WWOX: variants seen among roughly 807,000 people sequenced by gnomAD.
The protein encoded by WWOX is WW domain-containing oxidoreductase.
A neutral mutation model predicts 46.2 loss-of-function variants in WWOX; 69 were observed. The observed-to-expected ratio is 1.49, with a 90% CI of 1.23 to 1.82. WWOX has a LOEUF of 1.82. Ranked by LOEUF, WWOX falls within the 40% of genes most tolerant of loss-of-function variation. The probability of loss-of-function intolerance (pLI) is 0.00; values close to 1 mark genes in which losing one functional copy is unlikely to be tolerated. For missense variants in WWOX, 919 were observed against 542.6 expected (o/e 1.69, Z -6.89); for synonymous variants, 359 against 202.6 (o/e 1.77, Z -6.56).
chr16:78,898,554 C>T (rs1387089542), intron 8 of WWOX: 3 of 152,110 alleles, frequency 2.0e-5, no homozygotes, highest in Admixed American at 6.6e-5. Flanking sequence ...AATAAGGATT[C>T]AAACTTTGTT....
chr16:78,937,945 G>A (rs567146034), intron 8 of WWOX, among the ~76,000 whole-genome samples: 6 of 152,230 alleles, frequency 3.9e-5, no homozygotes, highest in African/African-American at 1.2e-4. Context: ...TTTTTAATGT[G>A]CCAAGGTCTG....
chr16:79,201,343 C>CT (rs5818210), intron 8 of WWOX, among the ~76,000 whole-genome samples: 436 of 143,620 alleles, frequency 3.0e-3, no homozygotes, highest in South Asian at 7.1e-3. Flanking sequence ...TTTTTCTTTT[C>CT]TTTTTTTTTT....
In WWOX at chr16:78,432,549, A is replaced by G. The variant is rs775532586; in HGVS notation, c.853A>G (p.Asn285Asp). ...CTTCAGTCGCCTCTCTCCAACAAAA[A>G]ACGACTATTGGGCGATGCTGGCTTA... ...LDFSRLSPTK[N>D]DYWAMLAYNR... The change falls in exon 8 of 9, where the codon AAC becomes GAC. Residue 285 changes from asparagine to aspartate, a missense_variant. Transcript: ENST00000566780. 2 of 1,614,050 alleles carry G rather than the reference A, an allele frequency of 1.2e-6. No homozygotes were observed. Among genetic ancestry groups the G allele is most frequent in the Non-Finnish European group, 8.5e-7 (1 of 1,179,984 alleles).
At chr16:78,769,192 C>T (rs996867276) in intron 8 of WWOX, among the ~76,000 whole-genome samples, 1 of 152,138 alleles carries the variant, frequency 6.6e-6, no homozygotes, top group Non-Finnish European at 1.5e-5. Context: ...CAAAGAGATT[C>T]ATATATGACT....
chr16:78,197,132 C>T (rs1048010288), intron 5 of WWOX, among the ~76,000 whole-genome samples: 16 of 152,136 alleles, frequency 1.1e-4, no homozygotes, highest in African/African-American at 3.1e-4. Context: ...GGTACCTCTG[C>T]GCCATCTGTG....
intron 8 of WWOX, among the ~76,000 whole-genome samples, chr16:78,613,652 A>T (rs1233533417): frequency 6.6e-6 from 1 of 152,194 alleles, no homozygotes; most frequent in Admixed American, 6.5e-5. Flanking sequence ...GTATTGCTAG[A>T]GATGGCTGCA....
At chr16:78,827,113 C>G (rs1259978144) in intron 8 of WWOX, among the ~76,000 whole-genome samples, 1 of 152,128 alleles carries the variant, frequency 6.6e-6, no homozygotes, top group Non-Finnish European at 1.5e-5. Context: ...CTCCAGAACT[C>G]CAGGATGCCT....
At chr16:78,397,898 A>G (rs962974797) in intron 6 of WWOX, among the ~76,000 whole-genome samples, 1 of 152,222 alleles carries the variant, frequency 6.6e-6, no homozygotes, top group African/African-American at 2.4e-5. Flanking sequence ...AAGTCAGAAG[A>G]GATTCTCGTC....
At chr16:78,495,486 G>C (rs2084894114) in intron 8 of WWOX, among the ~76,000 whole-genome samples, 1 of 145,522 alleles carries the variant, frequency 6.9e-6, no homozygotes. Context: ...GTGTAGATTT[G>C]GCTAGGAAGT....
At chr16:79,133,355 G>A (rs751917381) in intron 8 of WWOX, among the ~76,000 whole-genome samples, 32 of 152,182 alleles carry the variant, frequency 2.1e-4, no homozygotes, top group East Asian at 5.8e-4. Context: ...CAACATTAAC[G>A]GGGAACCCAA....
intron 8 of WWOX, among the ~76,000 whole-genome samples, chr16:78,819,120 C>T (rs912943482): frequency 3.3e-5 from 5 of 152,220 alleles, no homozygotes; most frequent in African/African-American, 9.6e-5. Context: ...CACTCTTCTG[C>T]ACTCTTTCTC....
At position 79,127,484 on chromosome 16, in the gene WWOX, G is replaced by A. The variant is rs187094041; in HGVS notation, c.1057-84124G>A. On this transcript the variant is annotated intron_variant, in intron 8 of 8. Transcript: ENST00000566780. ...CTGCTGAGTATTACACTGTGTGGATGTTTCATAATTCATTGAACCAATTCC... is the reference window on the plus strand; with the variant it reads ...CTGCTGAGTATTACACTGTGTGGATATTTCATAATTCATTGAACCAATTCC... Among the ~76,000 whole-genome samples, 109 of 152,272 alleles carry A rather than the reference G, an allele frequency of 7.2e-4. 1 individual carries two copies. Among genetic ancestry groups the A allele is most frequent in the African/African-American group, 2.0e-3 (83 of 41,558 alleles).
intron 8 of WWOX, among the ~76,000 whole-genome samples, chr16:78,811,901 A>T (rs1024389146): frequency 5.9e-5 from 9 of 152,214 alleles, no homozygotes; most frequent in African/African-American, 2.2e-4. Context: ...AGTCATGAGC[A>T]TAATAAGATA....
At chr16:78,803,626 T>C (rs2050953199) in intron 8 of WWOX, among the ~76,000 whole-genome samples, 1 of 152,038 alleles carries the variant, frequency 6.6e-6, no homozygotes, top group Admixed American at 6.5e-5. Flanking sequence ...TTTTTAACTT[T>C]AATTTTTATT....
intron 8 of WWOX, among the ~76,000 whole-genome samples, chr16:78,888,366 A>G (rs1179530577): frequency 6.6e-6 from 1 of 152,196 alleles, no homozygotes; most frequent in Non-Finnish European, 1.5e-5. Flanking sequence ...ACCTGCCCAG[A>G]GGCAGCTCCC....
At chr16:78,402,509 G>A (rs760069557) in intron 6 of WWOX, among the ~76,000 whole-genome samples, 21 of 152,176 alleles carry the variant, frequency 1.4e-4, no homozygotes, top group Non-Finnish European at 2.9e-4. Context: ...TGGAAAGTAG[G>A]GTTGGAGGTC....
At chr16:78,865,904 C>G (rs2043993186) in intron 8 of WWOX, among the ~76,000 whole-genome samples, 1 of 152,106 alleles carries the variant, frequency 6.6e-6, no homozygotes, top group Non-Finnish European at 1.5e-5. Context: ...TTGTGTCTGG[C>G]CTTTGTGATA....
intron 8 of WWOX, among the ~76,000 whole-genome samples, chr16:79,156,064 A>G (rs1467135564): frequency 5.3e-5 from 8 of 152,188 alleles, no homozygotes; most frequent in Non-Finnish European, 1.0e-4. Flanking sequence ...GGTCACCACC[A>G]CCTCTTCAAC....
In WWOX at chr16:78,245,990, A is replaced by G. The variant is rs940361430; in HGVS notation, c.516+81701A>G. 2.0e-5 allele frequency among the ~76,000 whole-genome samples: 3 copies of G among 152,184 alleles called. No individual in the cohort carries two copies. In the South Asian group the frequency reaches 6.2e-4, roughly 31 times the overall value. ...AGAAGCATTCAAAGACTAGGATGCC[A>G]TTTTGCAAACGTCTCATTCTCCCTG... On this transcript the variant is annotated intron_variant, in intron 5 of 8. Coordinates refer to ENST00000566780, the MANE Select transcript of WWOX (RefSeq NM_016373.4).
Sources: allele counts gnomAD v4.1 joint callset (sites outside exome capture counted in the v4.1 genomes callset), GRCh38; gene constraint gnomAD v4.1.1; transcripts MANE v1.5; gene names NCBI Gene and HGNC (gene_info 2026-07-23, HGNC 2026-07-21).